SMARCA5: variants seen among roughly 807,000 people sequenced by gnomAD.
SMARCA5 encodes the protein SNF2 related chromatin remodeling ATPase 5, also known as SWI/SNF-related matrix-associated actin-dependent regulator of chromatin subfamily A member 5.
In SMARCA5, 18 loss-of-function variants were observed where a neutral mutation model predicts 140.4. That is an observed-to-expected ratio of 0.13 (90% CI 0.09 to 0.19). The LOEUF (loss-of-function observed/expected upper bound fraction) is 0.19. Among genes scored for constraint, SMARCA5 ranks in the 10% least tolerant of loss-of-function variants. The probability of loss-of-function intolerance (pLI) is 1.00; values close to 1 mark genes in which losing one functional copy is unlikely to be tolerated. For synonymous variants in SMARCA5, 449 were observed against 419.6 expected, an observed-to-expected ratio of 1.07 and a Z score of -0.86; for missense variants, 606 against 1,276.8, an observed-to-expected ratio of 0.47 and a Z score of 8.01.
intron 9 of SMARCA5, among the ~76,000 whole-genome samples, chr4:143,532,325 GATTTTTTTTCATGC>G (rs1737204342): frequency 6.6e-6 from 1 of 152,118 alleles, no homozygotes; most frequent in Non-Finnish European, 1.5e-5. Flanking sequence ...AGAAGAACAT[GATTTTTTTTCATGC>G]ATTTTTTTCC....
At chr4:143,523,965 T>C (rs1578793345) in intron 3 of SMARCA5, among the ~76,000 whole-genome samples, 1 of 152,134 alleles carries the variant, frequency 6.6e-6, no homozygotes, top group Non-Finnish European at 1.5e-5. Context: ...AATTTCTGAG[T>C]CCTTATGCTG....
chr4:143,535,925 C>T (rs1317500263), intron 10 of SMARCA5, among the ~76,000 whole-genome samples: 1 of 152,104 alleles, frequency 6.6e-6, no homozygotes, highest in Non-Finnish European at 1.5e-5. Flanking sequence ...TACCTCCCTC[C>T]CCCATGTATT....
At chr4:143,514,200 C>A in intron 1 of SMARCA5, 99 bp downstream of exon 1, 1 of 1,127,968 alleles carries the variant, frequency 8.9e-7, no homozygotes, top group Non-Finnish European at 1.2e-6. Context: ...GGGTTTCTCT[C>A]TCTGCACCAG....
rs1737740052 is a variant in SMARCA5 at position 143,555,956 on chromosome 4, TTG to T, written c.*2775_*2776del. 1 of 152,354 alleles carries T rather than the reference TTG, an allele frequency of 6.6e-6. No homozygotes were observed. The highest frequency in any genetic ancestry group is 6.5e-5 in the Admixed American group (1 of 15,284). The allele number at this position is 152,354 out of a possible 1,614,324, so 9.4% of individuals were successfully genotyped here. On this transcript the variant is annotated 3_prime_UTR_variant, in exon 24 of 24. Transcript: ENST00000283131. Reference sequence around the variant, plus strand: ...ACATTCCAAAGTGCTGGGATCATAGTTGTGAGCCTACACCACACCTGGCCTAC... The same window carrying T: ...ACATTCCAAAGTGCTGGGATCATAGTTGAGCCTACACCACACCTGGCCTAC...
intron 3 of SMARCA5, among the ~76,000 whole-genome samples, chr4:143,523,087 T>C (rs749893955): frequency 1.3e-5 from 2 of 152,070 alleles, no homozygotes; most frequent in Non-Finnish European, 2.9e-5. Flanking sequence ...CAGGCTGGAG[T>C]GCGTGCAGTG....
chr4:143,539,430 G>T (rs1737384497), intron 13 of SMARCA5, among the ~76,000 whole-genome samples: 1 of 152,142 alleles, frequency 6.6e-6, no homozygotes, highest in African/African-American at 2.4e-5. Flanking sequence ...TACCTGGTCA[G>T]ATCAGGAAGA....
At chr4:143,529,267 T>C (rs1221455320) in intron 8 of SMARCA5, among the ~76,000 whole-genome samples, 1 of 152,172 alleles carries the variant, frequency 6.6e-6, no homozygotes, top group African/African-American at 2.4e-5. Flanking sequence ...TTTCTCTATC[T>C]GAAATGGCAT....
chr4:143,549,131 C>T (rs1737587825), intron 22 of SMARCA5, among the ~76,000 whole-genome samples: 1 of 151,944 alleles, frequency 6.6e-6, no homozygotes, highest in African/African-American at 2.4e-5. Context: ...AAGACAGTGC[C>T]ATGTTAATTT....
At chr4:143,545,808 A>G (rs1335178225) in intron 18 of SMARCA5, 117 bp from the exon 19 acceptor site, 3 of 972,918 alleles carry the variant, frequency 3.1e-6, no homozygotes, top group South Asian at 1.4e-5. Context: ...AATACATGCA[A>G]TGTATCAGTA....
chr4:143,517,379 G>A lies in SMARCA5; in HGVS notation c.202G>A (p.Gly68Arg), dbSNP rs1417725633. The change falls in exon 2 of 24, where the codon GGA (glycine) becomes AGA (arginine). Residue 68 changes from glycine to arginine, a missense_variant. Gly to Arg is a moderately radical substitution (Grantham distance 125, BLOSUM62 -2). This residue lies in a region of SMARCA5 where 164 missense variants were observed against 128.4 expected (regional missense o/e 1.28). Transcript: ENST00000283131. Reference sequence around the variant, plus strand: ...GGAAATATTTGATGATGCGTCACCTGGAAAGCAAAAGGAAATCCAAGAACC... The same window carrying A: ...GGAAATATTTGATGATGCGTCACCTAGAAAGCAAAAGGAAATCCAAGAACC... The part of the protein sequence containing the change: ...MEEIFDDASP[G>R]KQKEIQEPDP... 1 of 1,609,464 alleles carries A rather than the reference G, an allele frequency of 6.2e-7. No individual in the cohort carries two copies. The highest frequency in any genetic ancestry group is 2.2e-5 in the East Asian group (1 of 44,702).
chr4:143,521,323 C>CTTTT, intron 2 of SMARCA5, 106 bp from the exon 3 acceptor site: 1 of 586,306 alleles, frequency 1.7e-6, no homozygotes, highest in Non-Finnish European at 2.8e-6. Flanking sequence ...CTGTAGTTCT[C>CTTTT]TTTTTTTTTT....
chr4:143,514,739 G>T (rs907841590), intron 1 of SMARCA5: 1 of 152,312 alleles, frequency 6.6e-6, no homozygotes, highest in Admixed American at 6.5e-5. Context: ...AGCAACCAAG[G>T]CAGCAGCAGC....
At chr4:143,551,251 G>A (rs1419420695) in intron 23 of SMARCA5, among the ~76,000 whole-genome samples, 3 of 151,844 alleles carry the variant, frequency 2.0e-5, no homozygotes, top group South Asian at 2.1e-4. Context: ...TTTTTAAATC[G>A]GACTGTTAGG....
chr4:143,527,805 C>A, intron 6 of SMARCA5, 63 bp from the exon 7 acceptor site: 1 of 1,357,724 alleles, frequency 7.4e-7, no homozygotes, highest in Non-Finnish European at 1.0e-6. Context: ...GATTACTTGT[C>A]ATCAGTAAAT....
At chr4:143,540,256 A>G (rs1467443810) in intron 13 of SMARCA5, 107 bp from the exon 14 acceptor site, 1 of 842,266 alleles carries the variant, frequency 1.2e-6, no homozygotes, top group Admixed American at 3.4e-5. Context: ...AAATTTTTAA[A>G]AGTTTTATAT....
At position 143,538,719 on chromosome 4, in the gene SMARCA5, A is replaced by T; in HGVS notation, c.1617+8A>T. The T allele has an allele frequency of 6.2e-7, 1 of 1,613,886 alleles. No homozygotes were observed. Among genetic ancestry groups the T allele is most frequent in the Non-Finnish European group, 8.5e-7 (1 of 1,179,890 alleles). On this transcript the variant is annotated splice_region_variant and intron_variant, in intron 12 of 23. Transcript: ENST00000283131. ...CCCCATGATGAGAGACAAGTGAGTAAAATTTGGGGAGGGAGATAAAAAAGA... is the reference window on the plus strand; with the variant it reads ...CCCCATGATGAGAGACAAGTGAGTATAATTTGGGGAGGGAGATAAAAAAGA...
chr4:143,552,257 A>G (rs780573446), intron 23 of SMARCA5, among the ~76,000 whole-genome samples: 15 of 151,994 alleles, frequency 9.9e-5, no homozygotes, highest in Non-Finnish European at 2.2e-4. Flanking sequence ...CTGCAGTGTC[A>G]CTGAATTTGT....
intron 5 of SMARCA5, 60 bp downstream of exon 5, chr4:143,525,611 G>T: frequency 8.6e-7 from 1 of 1,161,282 alleles, no homozygotes; most frequent in South Asian, 1.2e-5. Flanking sequence ...CTTATACGTT[G>T]ATAAAAGTTT....
At chr4:143,537,228 C>T (rs1394824374) in intron 11 of SMARCA5, among the ~76,000 whole-genome samples, 1 of 152,160 alleles carries the variant, frequency 6.6e-6, no homozygotes, top group Non-Finnish European at 1.5e-5. Flanking sequence ...CTAATAAAAA[C>T]GTTTTTAGTC....
Sources: gnomAD v4.1 joint callset for allele counts (sites outside exome capture counted in the v4.1 genomes callset) on GRCh38, gnomAD v4.1.1 for gene constraint, gnomAD v4.1.1 regional missense constraint, MANE v1.5 for transcripts, NCBI Gene and HGNC (gene_info 2026-07-23, HGNC 2026-07-21) for gene names.